ARHGAP21: variants seen among roughly 807,000 people sequenced by gnomAD.
ARHGAP21 encodes Rho GTPase activating protein 21, also known as rho GTPase-activating protein 21.
In ARHGAP21, 38 loss-of-function variants were observed where a neutral mutation model predicts 164.6. The ratio of observed to expected loss-of-function variants is 0.23; its 90% CI spans 0.18 to 0.30. The LOEUF is 0.30. Among genes scored for constraint, ARHGAP21 ranks in the 10% least tolerant of loss-of-function variants. The probability of loss-of-function intolerance (pLI) is 1.00; values close to 1 mark genes in which losing one functional copy is unlikely to be tolerated. For synonymous variants in ARHGAP21, 766 were observed against 857.9 expected (o/e 0.89, Z 1.87); for missense variants, 1,822 against 2,370.7 (o/e 0.77, Z 4.81).
At chr10:24,692,532 T>C (rs914784078) in intron 2 of ARHGAP21, among the ~76,000 whole-genome samples, 2 of 152,196 alleles carry the variant, frequency 1.3e-5, no homozygotes, top group African/African-American at 2.4e-5. Context: ...CAAATGTCCA[T>C]TAAGAGTAGA....
intron 11 of ARHGAP21, among the ~76,000 whole-genome samples, chr10:24,604,975 CT>C (rs1011885463): frequency 2.0e-5 from 3 of 152,082 alleles, no homozygotes; most frequent in Non-Finnish European, 4.4e-5. Context: ...GGACAATAAA[CT>C]TTTTTTAAAC....
chr10:24,681,508 A>G (rs1435615101), intron 2 of ARHGAP21, among the ~76,000 whole-genome samples: 1 of 152,200 alleles, frequency 6.6e-6, no homozygotes, highest in African/African-American at 2.4e-5. Context: ...GTCCTAGTAT[A>G]TTCCAGGAAT....
intron 2 of ARHGAP21, among the ~76,000 whole-genome samples, chr10:24,698,585 T>C (rs368606603): frequency 5.2e-4 from 79 of 152,292 alleles, no homozygotes; most frequent in African/African-American, 1.8e-3. Context: ...CTTCAGAGAT[T>C]TCCATTTTCT....
chr10:24,709,444 A>G (rs1018160401), intron 2 of ARHGAP21, among the ~76,000 whole-genome samples: 2 of 152,126 alleles, frequency 1.3e-5, no homozygotes, highest in African/African-American at 4.8e-5. Flanking sequence ...CTGATACCAA[A>G]ACTGGAAAAG....
chr10:24,611,025 G>A (rs945060345), intron 9 of ARHGAP21, among the ~76,000 whole-genome samples: 4 of 152,170 alleles, frequency 2.6e-5, no homozygotes, highest in Non-Finnish European at 5.9e-5. Flanking sequence ...ACTTTAAGAT[G>A]TTCTCATCCT....
intron 2 of ARHGAP21, among the ~76,000 whole-genome samples, chr10:24,692,304 GAT>G (rs1358556824): frequency 1.3e-4 from 20 of 152,294 alleles, no homozygotes; most frequent in African/African-American, 4.8e-4. Context: ...TCTATCATAT[GAT>G]ACCTATAGGC....
chr10:24,625,299 G>GCAAAAA (rs768183583), intron 7 of ARHGAP21, among the ~76,000 whole-genome samples: 12 of 53,792 alleles, frequency 2.2e-4, no homozygotes, highest in East Asian at 6.3e-4. Context: ...ATGAAACAGA[G>GCAAAAA]AAAAAAAAAA....
At chr10:24,601,676 A>G (rs943255207) in intron 13 of ARHGAP21, among the ~76,000 whole-genome samples, 2 of 152,218 alleles carry the variant, frequency 1.3e-5, no homozygotes, top group Non-Finnish European at 2.9e-5. Flanking sequence ...ACCCATTGCT[A>G]ATAAACTAAT....
rs144259265 is a variant in ARHGAP21, at chr10:24,597,542, C to T, written c.3239G>A (p.Ser1080Asn). 63 of 1,613,962 alleles carry T rather than the reference C, an allele frequency of 3.9e-5. No homozygotes were observed. In the African/African-American group the frequency reaches 8.1e-4, roughly 21 times the overall value. ...AGCACCAAGCAAAGTTTGCCTGATG[C>T]TGAGACTCTGGCGAGGTGTTTTTGG... ...QLPKTPRQSL[S>N]IRQTLLGAKS... The change falls in exon 16 of 26, where the codon AGC (serine) becomes AAC (asparagine). Residue 1080 changes from serine to asparagine, a missense_variant. Coordinates refer to ENST00000396432, the MANE Select transcript of ARHGAP21 (RefSeq NM_020824.4).
At position 24,585,090 on chromosome 10, in the gene ARHGAP21, C is replaced by G; in HGVS notation, c.5199G>C (p.Val1733=). The G allele has an allele frequency of 6.2e-7, 1 of 1,613,784 alleles. No individual in the cohort carries two copies. Among genetic ancestry groups the G allele is most frequent in the Non-Finnish European group, 8.5e-7 (1 of 1,179,852 alleles). The change falls in exon 26 of 26, where the codon GTG becomes GTC. Residue 1733 remains valine (V), a synonymous_variant. Coordinates refer to ENST00000396432, the MANE Select transcript of ARHGAP21 (RefSeq NM_020824.4). ...NEKEAPSLTK[V]FDVMKKGKST... is the part of the protein sequence containing the mutation. ...ACTTTCCTTTTTTCATAACATCAAACACTTTAGTTAACGAAGGTGCTTCTT... is the reference window on the plus strand; with the variant it reads ...ACTTTCCTTTTTTCATAACATCAAAGACTTTAGTTAACGAAGGTGCTTCTT...
chr10:24,626,483 G>A (rs950593080), intron 7 of ARHGAP21, among the ~76,000 whole-genome samples: 1 of 152,166 alleles, frequency 6.6e-6, no homozygotes, highest in African/African-American at 2.4e-5. Context: ...TGAAGACACA[G>A]TGAAAAGGTA....
In ARHGAP21 at chr10:24,607,780, G is replaced by A. The variant is rs2077091873; in HGVS notation, c.2546C>T (p.Ala849Val). The change falls in exon 10 of 26, where the codon GCT becomes GTT. Residue 849 changes from alanine (A) to valine (V), a missense_variant. Ala to Val is a moderately conservative substitution (Grantham distance 64, BLOSUM62 0). Around this residue, in one of 5 missense-constraint regions of ARHGAP21, gnomAD observed 1,090 missense variants for 1,378.9 expected, o/e 0.79. Coordinates refer to ENST00000396432, the MANE Select transcript of ARHGAP21 (RefSeq NM_020824.4). ...TGAGAGCTGACGGCGAATTAATGGAGCTGAAGTTGTGAGGCAAGGAGGAAC... is the reference window on the plus strand; with the variant it reads ...TGAGAGCTGACGGCGAATTAATGGAACTGAAGTTGTGAGGCAAGGAGGAAC... ...ATVPPCLTTS[A>V]PLIRRQLSHD... 6.2e-7 allele frequency: 1 copy of A among 1,613,998 alleles called. No homozygotes were observed. The highest frequency in any genetic ancestry group is 1.7e-5 in the Admixed American group (1 of 59,988).
intron 2 of ARHGAP21, among the ~76,000 whole-genome samples, chr10:24,710,682 T>C (rs1275288552): frequency 1.3e-5 from 2 of 152,210 alleles, no homozygotes; most frequent in African/African-American, 4.8e-5. Flanking sequence ...CTTCTAAATA[T>C]AACAGGAAAG....
chr10:24,678,507 GT>G (rs1201549506), intron 2 of ARHGAP21, among the ~76,000 whole-genome samples: 1 of 150,408 alleles, frequency 6.6e-6, no homozygotes, highest in African/African-American at 2.5e-5. Flanking sequence ...TGTTGTTGTT[GT>G]TTTGTTTATT....
intron 2 of ARHGAP21, among the ~76,000 whole-genome samples, chr10:24,710,246 T>TA (rs929796866): frequency 2.6e-4 from 40 of 152,324 alleles, no homozygotes; most frequent in African/African-American, 9.1e-4. Flanking sequence ...AGAGAGTATC[T>TA]AGTGAGACAT....
At chr10:24,622,433 CATATATATATATATATAT>C (rs10530408) in intron 8 of ARHGAP21, among the ~76,000 whole-genome samples, 5,603 of 89,650 alleles carry the variant, frequency 0.062, 293 homozygotes, top group African/African-American at 0.093. Context: ...ACTTAAAAAA[CATATATATATATATATAT>C]ATATATATAT....
chr10:24,591,537 C>T (rs185311692), intron 23 of ARHGAP21, 105 bp downstream of exon 23: 116 of 1,422,100 alleles, frequency 8.2e-5, no homozygotes, highest in South Asian at 2.6e-4. Flanking sequence ...GCTTCCGGGG[C>T]GCAAAGCGGA....
chr10:24,591,582 G>T, intron 23 of ARHGAP21, 60 bp downstream of exon 23: 9 of 1,581,068 alleles, frequency 5.7e-6, no homozygotes, highest in Non-Finnish European at 7.8e-6. Flanking sequence ...TTGTTGGCGC[G>T]CCAGGATCTT....
At chr10:24,722,754 G>GGGCGCCGC (rs1453648899) in intron 1 of ARHGAP21, 1 of 151,814 alleles carries the variant, frequency 6.6e-6, no homozygotes, top group Non-Finnish European at 1.5e-5. Flanking sequence ...CGGGTGACTC[G>GGGCGCCGC]GGCGCCGCCC....
Sources: allele counts gnomAD v4.1 joint callset (sites outside exome capture counted in the v4.1 genomes callset), GRCh38; gene constraint gnomAD v4.1.1; regional missense constraint gnomAD v4.1.1; transcripts MANE v1.5; gene names NCBI Gene and HGNC (gene_info 2026-07-23, HGNC 2026-07-21).